The following PPP1R36 variants were observed in gnomAD, a reference collection of about 807,000 sequenced individuals.
The protein encoded by PPP1R36 is chromosome 14 open reading frame 50.
Under a neutral mutation model 53.4 loss-of-function variants are expected in PPP1R36, and 47 were observed. The ratio of observed to expected loss-of-function variants is 0.88; its 90% CI spans 0.70 to 1.12. PPP1R36 has a LOEUF of 1.12. Among genes scored for constraint, PPP1R36 ranks in the 50% most tolerant of loss-of-function variants. PPP1R36 has a pLI of 0.00. For missense variants in PPP1R36, 456 were observed against 513.9 expected, an observed-to-expected ratio of 0.89 and a Z score of 1.09; for synonymous variants, 153 against 170.5, an observed-to-expected ratio of 0.90 and a Z score of 0.80.
intron 7 of PPP1R36, among the ~76,000 whole-genome samples, chr14:64,573,713 G>A (rs1290425634): frequency 1.3e-5 from 2 of 151,758 alleles, no homozygotes; most frequent in African/African-American, 4.8e-5. Context: ...GGGAGTTCAA[G>A]ACCAGCCTGG....
At chr14:64,561,702 A>G in intron 3 of PPP1R36, 1 of 449,156 alleles carries the variant, frequency 2.2e-6, no homozygotes, top group Non-Finnish European at 4.5e-6. Context: ...TAATACCTTT[A>G]CTCACAGGCA....
chr14:64,556,480 G>A (rs2140218439), intron 3 of PPP1R36, among the ~76,000 whole-genome samples: 1 of 152,154 alleles, frequency 6.6e-6, no homozygotes, highest in Non-Finnish European at 1.5e-5. Flanking sequence ...AGTATAAATA[G>A]GCTGGGTGTG....
rs1280302265 is a variant in PPP1R36 at position 64,565,712 on chromosome 14, C to T, written c.434+20C>T. On this transcript the variant is annotated intron_variant, in intron 6 of 11. Coordinates refer to ENST00000298705, the MANE Select transcript of PPP1R36 (RefSeq NM_172365.3). ...TATGAGGTATCTATTGCTTATGAGTCATTTTAGATCTTTTATCCTTTATTT... is the reference window on the plus strand; with the variant it reads ...TATGAGGTATCTATTGCTTATGAGTTATTTTAGATCTTTTATCCTTTATTT... The T allele has an allele frequency of 1.9e-6, 3 of 1,544,668 alleles. No homozygotes were observed. The African/African-American group carries it at 4.1e-5, about 21-fold the overall frequency.
chr14:64,587,585 C>T (rs776365080), intron 10 of PPP1R36, among the ~76,000 whole-genome samples: 1 of 150,610 alleles, frequency 6.6e-6, no homozygotes, highest in East Asian at 1.9e-4. Flanking sequence ...CTCAGCCTCC[C>T]GAGTAGCTAG....
chr14:64,570,407 G>A (rs551300300), intron 7 of PPP1R36, among the ~76,000 whole-genome samples: 4 of 152,152 alleles, frequency 2.6e-5, no homozygotes, highest in African/African-American at 9.6e-5. Context: ...ACTTGAACCT[G>A]GGAGGCAGAG....
At position 64,587,429 on chromosome 14, in the gene PPP1R36, T is replaced by C. The variant is rs191186561; in HGVS notation, c.890+57T>C. On this transcript the variant is annotated intron_variant, in intron 10 of 11. Transcript: ENST00000298705. ...GTATTTCTTTTCTTCCTTTCCTTTCTTTTCTTTTCTTTTTTCTCCTTTTTT... is the reference window on the plus strand; with the variant it reads ...GTATTTCTTTTCTTCCTTTCCTTTCCTTTCTTTTCTTTTTTCTCCTTTTTT... 801 of 929,038 alleles carry C rather than the reference T, an allele frequency of 8.6e-4. 2 individuals carry two copies. The African/African-American group carries it at 0.013, about 15-fold the overall frequency. The allele number at this position is 929,038 out of a possible 1,614,324, so 57.5% of individuals were successfully genotyped here. A position where few individuals can be genotyped will look rare whatever the true frequency, so the allele number is the denominator to read the frequency against.
rs186027933 is a variant in PPP1R36 at position 64,586,416 on chromosome 14, G to A, written c.669-421G>A. 5.2e-4 allele frequency: 80 copies of A among 155,080 alleles called. No individual in the cohort carries two copies. The East Asian group carries it at 0.013, about 26-fold the overall frequency. The allele number at this position is 155,080 out of a possible 1,614,324, so 9.6% of individuals were successfully genotyped here. ...TTTGGCATAGATCTTTGTGGATTTT[G>A]TTTCTGTTTCTTTTTGTACCCAATA... On this transcript the variant is annotated intron_variant, in intron 8 of 11. Transcript: ENST00000298705.
chr14:64,574,327 C>A, intron 7 of PPP1R36, 128 bp from the exon 8 acceptor site: 1 of 924,796 alleles, frequency 1.1e-6, no homozygotes, highest in Non-Finnish European at 1.6e-6. Flanking sequence ...TGCACTCCAG[C>A]CTAGGTAGCA....
chr14:64,587,448 C>CTTTTTTTTTTTTTTTTTTTTTTT lies in PPP1R36; in HGVS notation c.890+84_890+106dup, dbSNP rs10708900. ...CCTTTCTTTTCTTTTCTTTTTTCTC[C>CTTTTTTTTTTTTTTTTTTTTTTT]TTTTTTTTTTTTTTTTTTTTTTTTT... On this transcript the variant is annotated intron_variant, in intron 10 of 11. Transcript: ENST00000298705. The CTTTTTTTTTTTTTTTTTTTTTTT allele has an allele frequency of 1.6e-4, 18 of 110,982 alleles. 1 individual carries two copies. The highest frequency in any genetic ancestry group is 3.9e-4 in the South Asian group (1 of 2,568). The allele number at this position is 110,982 out of a possible 1,614,324, so 6.9% of individuals were successfully genotyped here.
intron 8 of PPP1R36, among the ~76,000 whole-genome samples, chr14:64,584,979 T>C (rs1596749290): frequency 6.6e-6 from 1 of 152,132 alleles, no homozygotes; most frequent in African/African-American, 2.4e-5. Context: ...AAGAAACCAA[T>C]ATATAATGAA....
chr14:64,560,498 A>C (rs2140223732), intron 3 of PPP1R36, among the ~76,000 whole-genome samples: 1 of 151,670 alleles, frequency 6.6e-6, no homozygotes, highest in East Asian at 1.9e-4. Context: ...GTTTGCGGGG[A>C]GATAAGACTG....
chr14:64,552,661 T>C lies in PPP1R36; in HGVS notation c.135-153T>C, dbSNP rs1161288825. ...GATGTTTATAGTTACATTATAAATA[T>C]AATGACATGTTTCATGATAATTAAA... On this transcript the variant is annotated intron_variant, in intron 2 of 11. Coordinates refer to ENST00000298705, the MANE Select transcript of PPP1R36 (RefSeq NM_172365.3). 5.0e-6 allele frequency: 3 copies of C among 605,052 alleles called. No individual in the cohort carries two copies. The African/African-American group carries it at 5.6e-5, about 11-fold the overall frequency. The allele number at this position is 605,052 out of a possible 1,614,324, so 37.5% of individuals were successfully genotyped here. A position where few individuals can be genotyped will look rare whatever the true frequency, so the allele number is the denominator to read the frequency against.
Position 64,565,634 on chromosome 14 carries a change from T to C in PPP1R36, c.376T>C (p.Leu126=), listed in dbSNP as rs2080245933. The C allele has an allele frequency of 1.9e-6, 3 of 1,613,628 alleles. No individual in the cohort carries two copies. The highest frequency in any genetic ancestry group is 2.5e-6 in the Non-Finnish European group (3 of 1,179,620). The change falls in exon 6 of 12, where the codon TTG becomes CTG. Residue 126 remains leucine (L), a synonymous_variant. Transcript: ENST00000298705. ...TCATTTTCTCTTTTCAGTTGTTACTTTGCTTTTGCTACAAGATACTGAGAT... is the reference window on the plus strand; with the variant it reads ...TCATTTTCTCTTTTCAGTTGTTACTCTGCTTTTGCTACAAGATACTGAGAT... The part of the protein sequence containing the change: ...ITLDDVKFVT[L]LLLQDTEMQR...
chr14:64,578,480 T>C (rs1040814323), intron 8 of PPP1R36, among the ~76,000 whole-genome samples: 2 of 152,210 alleles, frequency 1.3e-5, no homozygotes, highest in Non-Finnish European at 2.9e-5. Flanking sequence ...TTAGGAGACT[T>C]GTTTCAGTGT....
intron 7 of PPP1R36, among the ~76,000 whole-genome samples, chr14:64,570,860 A>G (rs765523423): frequency 5.9e-5 from 9 of 152,228 alleles, no homozygotes; most frequent in African/African-American, 1.9e-4. Context: ...CCTTATCCCT[A>G]TTTTACAGAT....
chr14:64,569,512 G>A (rs1361491357), intron 7 of PPP1R36, among the ~76,000 whole-genome samples: 5 of 152,132 alleles, frequency 3.3e-5, no homozygotes, highest in African/African-American at 1.2e-4. Flanking sequence ...GTTATTTTGG[G>A]ACTGTATTTC....
In PPP1R36 at chr14:64,551,138, C is replaced by T. The variant is rs574440274; in HGVS notation, c.134+153C>T. Among the ~76,000 whole-genome samples the T allele has an allele frequency of 3.4e-4, 52 of 152,288 alleles. 1 individual carries two copies. The highest frequency in any genetic ancestry group is 1.2e-3 in the African/African-American group (51 of 41,552). On this transcript the variant is annotated intron_variant, in intron 2 of 11. Coordinates refer to ENST00000298705, the MANE Select transcript of PPP1R36 (RefSeq NM_172365.3). ...TTTCAGTGAACAGCCTTTCTCTGAA[C>T]GCTTACCAGCTGCTTCACATGGACC...
At chr14:64,553,072 G>A (rs1380990116) in intron 3 of PPP1R36, among the ~76,000 whole-genome samples, 1 of 151,926 alleles carries the variant, frequency 6.6e-6, no homozygotes, top group Admixed American at 6.6e-5. Flanking sequence ...CCCAGGCTTA[G>A]GTGATTCTCC....
At chr14:64,580,311 T>A (rs895437866) in intron 8 of PPP1R36, among the ~76,000 whole-genome samples, 14 of 152,066 alleles carry the variant, frequency 9.2e-5, no homozygotes, top group South Asian at 4.1e-4. Flanking sequence ...CTCAAAAAAA[T>A]TTTTTTTAAA....
Sources: gnomAD v4.1 joint callset for allele counts (sites outside exome capture counted in the v4.1 genomes callset) on GRCh38, gnomAD v4.1.1 for gene constraint, MANE v1.5 for transcripts, NCBI Gene and HGNC (gene_info 2026-07-23, HGNC 2026-07-21) for gene names.